The following BNC2 variants were observed in gnomAD, a reference collection of about 807,000 sequenced individuals.
BNC2 encodes zinc finger protein basonuclin-2.
BNC2 carries 20 observed loss-of-function variants against 76.3 expected under a neutral mutation model. The ratio of observed to expected loss-of-function variants is 0.26; its 90% CI spans 0.18 to 0.38. The LOEUF (loss-of-function observed/expected upper bound fraction) is 0.38, where lower values mean the gene tolerates loss of function less well. BNC2 is among the 10% of genes least tolerant of loss of function. The pLI, the probability that BNC2 is intolerant of heterozygous loss-of-function variation, is 1.00. For missense variants in BNC2, 1,382 were observed against 1,399.8 expected, an observed-to-expected ratio of 0.99 and a Z score of 0.20; for synonymous variants, 582 against 514.8, an observed-to-expected ratio of 1.13 and a Z score of -1.77.
intron 5 of BNC2, among the ~76,000 whole-genome samples, chr9:16,495,772 T>C (rs1364491153): frequency 1.3e-5 from 2 of 152,174 alleles, no homozygotes; most frequent in East Asian, 1.9e-4. Context: ...TAACGAAGAC[T>C]CAGACATCAG....
At chr9:16,676,888 T>G (rs1474723321) in intron 3 of BNC2, among the ~76,000 whole-genome samples, 1 of 152,226 alleles carries the variant, frequency 6.6e-6, no homozygotes, top group African/African-American at 2.4e-5. Flanking sequence ...GTTGAAGATA[T>G]TATCATTTTC....
At chr9:16,501,285 C>G (rs1458740823) in intron 5 of BNC2, among the ~76,000 whole-genome samples, 1 of 152,122 alleles carries the variant, frequency 6.6e-6, no homozygotes, top group Admixed American at 6.6e-5. Context: ...TAATGCTTAA[C>G]ATTTTCACCA....
chr9:16,617,027 G>A (rs1362035463), intron 3 of BNC2, among the ~76,000 whole-genome samples: 1 of 152,132 alleles, frequency 6.6e-6, no homozygotes, highest in Non-Finnish European at 1.5e-5. Context: ...AATTACAACA[G>A]GTAATTTGTG....
chr9:16,599,769 C>T (rs760175395), intron 3 of BNC2, among the ~76,000 whole-genome samples: 7 of 152,100 alleles, frequency 4.6e-5, no homozygotes, highest in Non-Finnish European at 8.8e-5. Context: ...GGCGAAAGAG[C>T]GAGTCTCCAT....
intron 1 of BNC2, among the ~76,000 whole-genome samples, chr9:16,839,660 A>G (rs1818782549): frequency 6.6e-6 from 1 of 152,212 alleles, no homozygotes; most frequent in Admixed American, 6.5e-5. Flanking sequence ...TATGCCTATT[A>G]GGCATCCAGC....
intron 1 of BNC2, among the ~76,000 whole-genome samples, chr9:16,836,755 A>G (rs1375239126): frequency 2.0e-5 from 3 of 152,170 alleles, no homozygotes; most frequent in Non-Finnish European, 2.9e-5. Flanking sequence ...ATTATCTAAT[A>G]ATACTTTTTT....
intron 5 of BNC2, among the ~76,000 whole-genome samples, chr9:16,496,623 C>T (rs1822394785): frequency 6.6e-6 from 1 of 152,110 alleles, no homozygotes; most frequent in African/African-American, 2.4e-5. Flanking sequence ...TTAAGCAATG[C>T]TCTGCAGTTT....
chr9:16,828,935 C>T (rs1044481332), intron 1 of BNC2, among the ~76,000 whole-genome samples: 1 of 152,090 alleles, frequency 6.6e-6, no homozygotes, highest in Non-Finnish European at 1.5e-5. Context: ...GACTAGATGG[C>T]CCCGAAGCGA....
At chr9:16,497,237 A>C (rs953335016) in intron 5 of BNC2, among the ~76,000 whole-genome samples, 9 of 152,232 alleles carry the variant, frequency 5.9e-5, no homozygotes, top group Non-Finnish European at 1.3e-4. Flanking sequence ...TTTATGATGT[A>C]GGCCTAATTT....
At chr9:16,475,044 T>A (rs1158216466) in intron 5 of BNC2, among the ~76,000 whole-genome samples, 1 of 152,182 alleles carries the variant, frequency 6.6e-6, no homozygotes, top group Non-Finnish European at 1.5e-5. Context: ...AAAAGGCTTT[T>A]CCACACTCTA....
At position 16,738,547 on chromosome 9, in the gene BNC2, G is replaced by C. The variant is rs1420501580; in HGVS notation, c.4-62C>G. 3.1e-4 allele frequency: 462 copies of C among 1,488,172 alleles called. 3 individuals carry two copies. The highest frequency in any genetic ancestry group is 9.8e-6 in the Non-Finnish European group (11 of 1,120,240). The allele number at this position is 1,488,172 out of a possible 1,614,324, so 92.2% of individuals were successfully genotyped here. On this transcript the variant is annotated intron_variant, in intron 1 of 6. Transcript: ENST00000380672. The stretch of plus-strand genomic sequence containing the variant: ...AGACAGTATTACTTAAAAGCATTGA[G>C]TACATCAAAACTTTAAGAAATTGCA...
In BNC2 at chr9:16,684,265, C is replaced by T. The variant is rs566010211; in HGVS notation, c.330+43532G>A. 3.3e-5 allele frequency among the ~76,000 whole-genome samples: 5 copies of T among 152,272 alleles called. No homozygotes were observed. In the East Asian group the frequency reaches 9.7e-4, roughly 29 times the overall value. On this transcript the variant is annotated intron_variant, in intron 3 of 6. Coordinates refer to ENST00000380672, the MANE Select transcript of BNC2 (RefSeq NM_017637.6). ...AGGTCAAGGATCAGACTACTCTCCA[C>T]AAAAAGTCTTCCATCACTCTGCATT... is the stretch of plus-strand genomic sequence containing the variant.
At chr9:16,764,966 C>A (rs1262913318) in intron 1 of BNC2, among the ~76,000 whole-genome samples, 1 of 151,984 alleles carries the variant, frequency 6.6e-6, no homozygotes, top group Non-Finnish European at 1.5e-5. Context: ...GAGAGAACAT[C>A]TTCTGTAAGG....
chr9:16,677,186 A>G (rs75532316), intron 3 of BNC2, among the ~76,000 whole-genome samples: 6,624 of 152,294 alleles, frequency 0.043, 221 homozygotes, highest in African/African-American at 0.084. Flanking sequence ...ATACACAGGC[A>G]CAATCTCCTT....
In BNC2 at chr9:16,418,753, T is replaced by C. The variant is rs529133301; in HGVS notation, c.*236A>G. On this transcript the variant is annotated 3_prime_UTR_variant, in exon 7 of 7. Transcript: ENST00000380672. ...TCTGTTTTCACCCTGAAATCAAAGA[T>C]CCCACTCCTTTCCCAAAACTATAAA... 2.9e-4 allele frequency: 153 copies of C among 523,748 alleles called. No homozygotes were observed. Among genetic ancestry groups the C allele is most frequent in the Non-Finnish European group, 5.1e-4 (148 of 292,750 alleles). 32.4% of individuals were successfully genotyped at this position (523,748 alleles called of 1,614,324 possible).
intron 3 of BNC2, among the ~76,000 whole-genome samples, chr9:16,697,131 C>T (rs953510238): frequency 5.9e-5 from 9 of 151,820 alleles, no homozygotes; most frequent in African/African-American, 1.7e-4. Context: ...GAGGCTGAGG[C>T]GGGTGGATCA....
chr9:16,699,330 A>T, intron 3 of BNC2: 1 of 356,924 alleles, frequency 2.8e-6, no homozygotes, highest in South Asian at 2.3e-5. Flanking sequence ...GTATTAATTC[A>T]ATCAGTGCCT....
intron 1 of BNC2, among the ~76,000 whole-genome samples, chr9:16,778,403 C>G (rs1021855390): frequency 6.6e-6 from 1 of 152,120 alleles, no homozygotes; most frequent in Non-Finnish European, 1.5e-5. Flanking sequence ...AAAAAACCCC[C>G]AAACTACCAA....
chr9:16,413,253 AAGAT>A lies in BNC2; in HGVS notation c.*5732_*5735del, dbSNP rs1820513621. On this transcript the variant is annotated 3_prime_UTR_variant, in exon 7 of 7. Coordinates refer to ENST00000380672, the MANE Select transcript of BNC2 (RefSeq NM_017637.6). ...AACAGCACTTTAGAGGAGAAGAATA[AAGAT>A]AGTTTTATGACAACTATAGTATGTT... 1 of 152,216 alleles carries A rather than the reference AAGAT, an allele frequency of 6.6e-6. No individual in the cohort carries two copies. The allele number at this position is 152,216 out of a possible 1,614,324, so 9.4% of individuals were successfully genotyped here.
Sources: gnomAD v4.1 joint callset for allele counts (sites outside exome capture counted in the v4.1 genomes callset) on GRCh38, gnomAD v4.1.1 for gene constraint, MANE v1.5 for transcripts, NCBI Gene and HGNC (gene_info 2026-07-23, HGNC 2026-07-21) for gene names.